Variants in ACKR2 observed in about 807,000 individuals in gnomAD.
The protein encoded by ACKR2 is atypical chemokine receptor 2.
For synonymous variants in ACKR2, 207 were observed against 192.2 expected (o/e 1.08, Z -0.64); for missense variants, 457 against 477.3 (o/e 0.96, Z 0.40).
chr3:42,850,440 A>G (rs1701142114), intron 2 of ACKR2, among the ~76,000 whole-genome samples: 1 of 152,218 alleles, frequency 6.6e-6, no homozygotes. Context: ...ATGCAGAGCC[A>G]GGTCCAAGCC....
At chr3:42,818,260 G>A (rs1189340494) in intron 1 of ACKR2, among the ~76,000 whole-genome samples, 2 of 152,128 alleles carry the variant, frequency 1.3e-5, no homozygotes, top group Non-Finnish European at 2.9e-5. Flanking sequence ...TAAATTCCCT[G>A]ACGTGTTTGA....
chr3:42,824,968 C>G (rs538135128), intron 2 of ACKR2, among the ~76,000 whole-genome samples: 185 of 152,236 alleles, frequency 1.2e-3, no homozygotes, highest in African/African-American at 4.2e-3. Flanking sequence ...CCATGTTTCT[C>G]TTTTTGAATT....
At chr3:42,817,658 C>G (rs1700766449) in intron 1 of ACKR2, among the ~76,000 whole-genome samples, 1 of 152,128 alleles carries the variant, frequency 6.6e-6, no homozygotes, top group South Asian at 2.1e-4. Context: ...CTATTGCTCT[C>G]TTTTCTTTCT....
intron 1 of ACKR2, among the ~76,000 whole-genome samples, chr3:42,811,473 C>T (rs1045753491): frequency 5.9e-5 from 9 of 152,168 alleles, no homozygotes; most frequent in African/African-American, 2.2e-4. Context: ...AGGGGCATAA[C>T]GAACTGCGGA....
intron 1 of ACKR2, among the ~76,000 whole-genome samples, chr3:42,810,557 C>A (rs1179533590): frequency 4.6e-5 from 7 of 152,022 alleles, no homozygotes; most frequent in African/African-American, 1.7e-4. Context: ...ATTACAAACA[C>A]CCTTTCCCCT....
At chr3:42,831,743 C>T (rs1366786123) in intron 2 of ACKR2, among the ~76,000 whole-genome samples, 1 of 152,206 alleles carries the variant, frequency 6.6e-6, no homozygotes, top group Non-Finnish European at 1.5e-5. Context: ...GAGTTCTCTT[C>T]AATTCTCTTG....
intron 2 of ACKR2, among the ~76,000 whole-genome samples, chr3:42,848,201 T>TA (rs34144822): frequency 1.5e-3 from 192 of 124,920 alleles, no homozygotes; most frequent in South Asian, 2.8e-3. Context: ...CTAACTCTTT[T>TA]AAAAAAAAAA....
rs960071407 is a variant in ACKR2, at chr3:42,852,515, A to G, written c.-37-11951A>G. On this transcript the variant is annotated intron_variant, in intron 2 of 2. Transcript: ENST00000422265. The surrounding 1 kb of genome is among the most constrained non-coding windows in gnomAD (Gnocchi z 4.3). ...CTCTATCTCCTGACCAGGCCAGGAAACATTGAGTGATGTGGGGTCCCAGGG... is the reference window on the plus strand; with the variant it reads ...CTCTATCTCCTGACCAGGCCAGGAAGCATTGAGTGATGTGGGGTCCCAGGG... 3.3e-5 allele frequency: 5 copies of G among 152,242 alleles called. No homozygotes were observed. Among genetic ancestry groups the G allele is most frequent in the Non-Finnish European group, 7.3e-5 (5 of 68,054 alleles). 9.4% of individuals were successfully genotyped at this position (152,242 alleles called of 1,614,324 possible).
chr3:42,864,156 C>G (rs549661520), intron 2 of ACKR2, among the ~76,000 whole-genome samples: 2 of 152,178 alleles, frequency 1.3e-5, no homozygotes, highest in Middle Eastern at 6.8e-3. Context: ...CACTATAGGT[C>G]TTTTTAAATG....
chr3:42,811,488 C>T (rs1257102606), intron 1 of ACKR2, among the ~76,000 whole-genome samples: 2 of 152,182 alleles, frequency 1.3e-5, no homozygotes, highest in African/African-American at 4.8e-5. Flanking sequence ...TGCGGAAAGC[C>T]GCAGGGACCT....
chr3:42,829,694 G>A (rs922210569), intron 2 of ACKR2, among the ~76,000 whole-genome samples: 7 of 152,160 alleles, frequency 4.6e-5, no homozygotes, highest in African/African-American at 1.7e-4. Context: ...AGCACAGTTG[G>A]GACTAGGAGA....
chr3:42,851,386 G>A (rs1432234119), intron 2 of ACKR2: 2 of 985,394 alleles, frequency 2.0e-6, no homozygotes, highest in Non-Finnish European at 2.4e-6. Flanking sequence ...CTGAGGAAGA[G>A]GCACCTGGCG....
At chr3:42,810,968 C>G (rs1221585753) in intron 1 of ACKR2, among the ~76,000 whole-genome samples, 2 of 152,182 alleles carry the variant, frequency 1.3e-5, no homozygotes, top group African/African-American at 4.8e-5. Flanking sequence ...TCAAGCGATT[C>G]TCATGTGAGT....
At chr3:42,850,363 C>A (rs1701140894) in intron 2 of ACKR2, among the ~76,000 whole-genome samples, 2 of 152,094 alleles carry the variant, frequency 1.3e-5, no homozygotes, top group Non-Finnish European at 2.9e-5. Context: ...TCTGTACCCC[C>A]AATAAACTTG....
chr3:42,818,974 A>T (rs927985941), intron 1 of ACKR2, among the ~76,000 whole-genome samples: 38 of 150,648 alleles, frequency 2.5e-4, no homozygotes, highest in African/African-American at 8.1e-4. Context: ...TCTTTCTGTT[A>T]GTTCTTTGCT....
intron 2 of ACKR2, among the ~76,000 whole-genome samples, chr3:42,827,449 A>G (rs913902674): frequency 6.6e-6 from 1 of 152,176 alleles, no homozygotes; most frequent in Non-Finnish European, 1.5e-5. Flanking sequence ...GTGCAGAGCC[A>G]TGTTGTAACT....
chr3:42,843,799 A>G (rs1701064787), intron 2 of ACKR2: 1 of 152,280 alleles, frequency 6.6e-6, no homozygotes, highest in African/African-American at 2.4e-5. Flanking sequence ...CAAACAGGCC[A>G]TGAACCCATG....
chr3:42,862,996 A>G (rs9829060), intron 2 of ACKR2, among the ~76,000 whole-genome samples: 43,291 of 152,164 alleles, frequency 0.28, 7,413 homozygotes, highest in East Asian at 0.6. Context: ...ACAAAAGCCA[A>G]AATTGACAAA....
intron 2 of ACKR2, among the ~76,000 whole-genome samples, chr3:42,830,181 A>G (rs985040605): frequency 6.6e-6 from 1 of 152,182 alleles, no homozygotes; most frequent in African/African-American, 2.4e-5. Context: ...GCAATCATAG[A>G]GGGGGTCTTA....
Sources: allele counts gnomAD v4.1 joint callset (sites outside exome capture counted in the v4.1 genomes callset), GRCh38; gene constraint gnomAD v4.1.1; non-coding constraint Gnocchi (gnomAD v3.1); transcripts MANE v1.5; gene names NCBI Gene and HGNC (gene_info 2026-07-23, HGNC 2026-07-21).